TENM2: variants seen among roughly 807,000 people sequenced by gnomAD.
TENM2 encodes the protein teneurin-2.
A neutral mutation model predicts 245.2 loss-of-function variants in TENM2; 52 were observed. That is an observed-to-expected ratio of 0.21 (90% CI 0.17 to 0.27). The LOEUF (loss-of-function observed/expected upper bound fraction) is 0.27, where lower values mean the gene tolerates loss of function less well. TENM2 is among the 10% of genes least tolerant of loss of function. The pLI, the probability that TENM2 is intolerant of heterozygous loss-of-function variation, is 1.00. For synonymous variants in TENM2, 1,363 were observed against 1,438.9 expected, an observed-to-expected ratio of 0.95 and a Z score of 1.19; for missense variants, 3,046 against 3,666.8, an observed-to-expected ratio of 0.83 and a Z score of 4.37.
At chr5:167,364,003 A>G (rs1019135114) in intron 1 of TENM2, among the ~76,000 whole-genome samples, 2 of 152,132 alleles carry the variant, frequency 1.3e-5, no homozygotes, top group African/African-American at 4.8e-5. Context: ...AATTAAAGAA[A>G]TAATAAGAGT....
intron 2 of TENM2, among the ~76,000 whole-genome samples, chr5:167,430,864 G>A (rs1458951207): frequency 6.6e-6 from 1 of 152,088 alleles, no homozygotes; most frequent in Non-Finnish European, 1.5e-5. Context: ...AGATAATTTG[G>A]TCCACAGTTT....
chr5:167,246,947 T>C, the TENM2 span, among the ~76,000 whole-genome samples: 1 of 152,012 alleles, frequency 6.6e-6, no homozygotes, highest in Non-Finnish European at 1.5e-5. Context: ...TTGACAAGTT[T>C]ATAGCAAATT....
At chr5:167,895,167 GT>G (rs1261270336) in intron 3 of TENM2, among the ~76,000 whole-genome samples, 1 of 152,020 alleles carries the variant, frequency 6.6e-6, no homozygotes, top group East Asian at 1.9e-4. Flanking sequence ...ACTTCTCAAA[GT>G]TATTTGACCA....
At chr5:167,142,613 C>T in the TENM2 span, among the ~76,000 whole-genome samples, 3 of 152,180 alleles carry the variant, frequency 2.0e-5, no homozygotes, top group African/African-American at 4.8e-5. Context: ...TGCAGTGGCA[C>T]GATCTCGGCT....
intron 4 of TENM2, among the ~76,000 whole-genome samples, chr5:167,953,126 A>G (rs1251579862): frequency 6.6e-6 from 1 of 152,256 alleles, no homozygotes; most frequent in Non-Finnish European, 1.5e-5. Context: ...AAACATGCTT[A>G]TAAGGGTATA....
intron 1 of TENM2, among the ~76,000 whole-genome samples, chr5:167,301,925 G>A (rs1755354378): frequency 6.6e-6 from 1 of 152,208 alleles, no homozygotes; most frequent in South Asian, 2.1e-4. Flanking sequence ...GTGGAGGAGT[G>A]GAGGCTGAGG....
intron 14 of TENM2, among the ~76,000 whole-genome samples, chr5:168,191,056 C>G (rs1038054387): frequency 1.3e-5 from 2 of 151,996 alleles, no homozygotes; most frequent in African/African-American, 4.8e-5. Context: ...TGTAGATTAT[C>G]TCTAATCCAC....
chr5:167,675,527 T>C (rs1756257568), intron 2 of TENM2, among the ~76,000 whole-genome samples: 1 of 152,104 alleles, frequency 6.6e-6, no homozygotes, highest in South Asian at 2.1e-4. Context: ...CTGGCTTTAA[T>C]CAAAGCATCC....
the TENM2 span, among the ~76,000 whole-genome samples, chr5:167,268,869 G>GATGC: frequency 1.4e-4 from 19 of 137,990 alleles, 1 homozygote; most frequent in East Asian, 4.1e-3. Flanking sequence ...CTTTCCAAAA[G>GATGC]ATACATAGAT....
chr5:167,887,685 T>A (rs1774399182), intron 3 of TENM2, among the ~76,000 whole-genome samples: 1 of 152,216 alleles, frequency 6.6e-6, no homozygotes. Context: ...GTTGCTTTCA[T>A]TGATAAATGT....
chr5:167,649,457 C>A (rs775882126), intron 2 of TENM2, among the ~76,000 whole-genome samples: 4 of 152,114 alleles, frequency 2.6e-5, no homozygotes, highest in Non-Finnish European at 4.4e-5. Context: ...TAGTCTAAGG[C>A]GCTTGCACTG....
intron 2 of TENM2, among the ~76,000 whole-genome samples, chr5:167,809,436 C>T (rs1229976556): frequency 1.3e-5 from 2 of 152,130 alleles, no homozygotes; most frequent in Non-Finnish European, 2.9e-5. Context: ...AGCCATGCTG[C>T]AGGAGAGCAG....
At chr5:168,158,910 T>C (rs551809818) in intron 12 of TENM2, among the ~76,000 whole-genome samples, 7 of 143,330 alleles carry the variant, frequency 4.9e-5, no homozygotes, top group South Asian at 2.2e-4. Flanking sequence ...CATGTATATA[T>C]GTATATATAC....
At chr5:167,214,048 G>A in the TENM2 span, among the ~76,000 whole-genome samples, 9 of 152,100 alleles carry the variant, frequency 5.9e-5, no homozygotes, top group South Asian at 2.1e-4. Context: ...CCATAATGTC[G>A]ATCAACATGG....
chr5:168,262,188 T>C (rs777190071), exon 29 of TENM2: 5 of 1,611,712 alleles, frequency 3.1e-6, no homozygotes, highest in Non-Finnish European at 4.2e-6. Context: ...ACGCCCATCA[T>C]TGGCAAAGGC....
rs1363498416 is a variant in TENM2, at chr5:167,410,094, T to G, written c.502+34621T>G. On this transcript the variant is annotated intron_variant, in intron 2 of 28. Transcript: ENST00000518659. Reference sequence around the variant, plus strand: ...GAAAATAAACTTCTTACCTGTCCAGTATGGAGCATGTAGACAATTTTGTGG... The same window carrying G: ...GAAAATAAACTTCTTACCTGTCCAGGATGGAGCATGTAGACAATTTTGTGG... 2.0e-5 allele frequency among the ~76,000 whole-genome samples: 3 copies of G among 152,110 alleles called. No individual in the cohort carries two copies. The East Asian group carries it at 5.8e-4, about 29-fold the overall frequency.
At chr5:168,072,796 A>C (rs1483831301) in intron 7 of TENM2, among the ~76,000 whole-genome samples, 1 of 152,234 alleles carries the variant, frequency 6.6e-6, no homozygotes, top group African/African-American at 2.4e-5. Flanking sequence ...AGATGAATCA[A>C]TCAATCTAAC....
chr5:167,125,923 T>G, the TENM2 span, among the ~76,000 whole-genome samples: 1 of 152,186 alleles, frequency 6.6e-6, no homozygotes, highest in Non-Finnish European at 1.5e-5. Context: ...CTAAAATACT[T>G]TTTCCCAACA....
rs991419308 is a variant in TENM2 at position 167,422,305 on chromosome 5, C to T, written c.502+46832C>T. Among the ~76,000 whole-genome samples the T allele has an allele frequency of 4.5e-4, 69 of 152,110 alleles. 3 individuals carry two copies. The highest frequency in any genetic ancestry group is 2.5e-4 in the Non-Finnish European group (17 of 68,022). ...ACAATGTTCAAAATACTTCAGAAAT[C>T]CACAATGTGCAGTTCAACATAATAA... On this transcript the variant is annotated intron_variant, in intron 2 of 28. Transcript: ENST00000518659.
Sources: gnomAD v4.1 joint callset for allele counts (sites outside exome capture counted in the v4.1 genomes callset) on GRCh38, gnomAD v4.1.1 for gene constraint, MANE v1.5 for transcripts, NCBI Gene and HGNC (gene_info 2026-07-23, HGNC 2026-07-21) for gene names.